The following UBN1 variants were observed in gnomAD, a reference collection of about 807,000 sequenced individuals.
UBN1 encodes the protein ubinuclein-1.
Under a neutral mutation model 108.5 loss-of-function variants are expected in UBN1, and 17 were observed. The observed-to-expected ratio is 0.16, with a 90% CI of 0.11 to 0.24. The LOEUF is 0.24. Ranked by LOEUF, UBN1 falls within the 10% of genes least tolerant of loss-of-function variation. The pLI is 1.00. For synonymous variants in UBN1, 726 were observed against 564.2 expected (o/e 1.29, Z -4.07); for missense variants, 1,595 against 1,394.4 (o/e 1.14, Z -2.29).
intron 12 of UBN1, chr16:4,872,389 G>A: frequency 1.0e-6 from 1 of 979,320 alleles, no homozygotes; most frequent in Non-Finnish European, 1.2e-6. Flanking sequence ...GGCAGCCAGT[G>A]TGTCCCATTG....
In UBN1 at chr16:4,875,029, C is replaced by T. The variant is rs745719298; in HGVS notation, c.2619C>T (p.His873=). 1.1e-5 allele frequency: 17 copies of T among 1,613,958 alleles called. No individual in the cohort carries two copies. Among genetic ancestry groups the T allele is most frequent in the Non-Finnish European group, 1.2e-5 (14 of 1,180,044 alleles). Residue 873 remains histidine, a synonymous_variant, in exon 15 of 18, where the codon CAC becomes CAT. Coordinates refer to ENST00000262376, the MANE Select transcript of UBN1 (RefSeq NM_001079514.3). The stretch of plus-strand genomic sequence containing the variant: ...TGTCAGCCTCCAGCAGCAGCTCTCA[C>T]AAGACCCCAGCCTCGTCCTCTTCTG... ...GGLSASSSSS[H]KTPASSSSAL...
In UBN1 at chr16:4,877,797, T is replaced by TAAAA. The variant is rs145632052; in HGVS notation, c.3355+323_3355+324insAAAA. The TAAAA allele has an allele frequency of 6.0e-5, 61 of 1,011,136 alleles. No individual in the cohort carries two copies. The highest frequency in any genetic ancestry group is 4.6e-4 in the Middle Eastern group (1 of 2,170). The allele number at this position is 1,011,136 out of a possible 1,614,324, so 62.6% of individuals were successfully genotyped here. On this transcript the variant is annotated intron_variant, in intron 17 of 17. Coordinates refer to ENST00000262376, the MANE Select transcript of UBN1 (RefSeq NM_001079514.3). The surrounding 1 kb of genome is among the most constrained non-coding windows in gnomAD (Gnocchi z 4.3). Reference sequence around the variant, plus strand: ...CTCGGCTTGTTTTTTTCTCTTCAGTTTAAAAAAAAAAAAAAAGGGAAGGTA... The same window carrying TAAAA: ...CTCGGCTTGTTTTTTTCTCTTCAGTTAAAATAAAAAAAAAAAAAAAGGGAAGGTA...
rs773901314 is a variant in UBN1 at position 4,877,297 on chromosome 16, C to T, written c.3266-88C>T. On this transcript the variant is annotated intron_variant, in intron 16 of 17. Transcript: ENST00000262376. The surrounding 1 kb of genome is among the most constrained non-coding windows in gnomAD (Gnocchi z 4.3). ...TGCCCAGACTGGCCTGGCAGGTTAT[C>T]GGGGGCTTTTGGCTGCTGGAGCTGC... The T allele has an allele frequency of 2.2e-4, 333 of 1,540,390 alleles. No homozygotes were observed. The highest frequency in any genetic ancestry group is 2.6e-4 in the Non-Finnish European group (297 of 1,138,850).
At chr16:4,878,584 GGGA>G (rs1415804113) in intron 17 of UBN1, among the ~76,000 whole-genome samples, 4 of 152,190 alleles carry the variant, frequency 2.6e-5, no homozygotes, top group Non-Finnish European at 5.9e-5. Flanking sequence ...TCCTTTCCTT[GGGA>G]GGAGAAGTAA....
At chr16:4,855,363 C>G (rs1307755399) in intron 2 of UBN1, among the ~76,000 whole-genome samples, 2 of 151,920 alleles carry the variant, frequency 1.3e-5, no homozygotes, top group African/African-American at 4.8e-5. Flanking sequence ...ACCTGTAATC[C>G]CAGCACTTTG....
chr16:4,868,836 G>A lies in UBN1; in HGVS notation c.1114G>A (p.Ala372Thr). 1.2e-6 allele frequency: 2 copies of A among 1,613,804 alleles called. No homozygotes were observed. Among genetic ancestry groups the A allele is most frequent in the Non-Finnish European group, 1.7e-6 (2 of 1,179,814 alleles). The change falls in exon 8 of 18, where the codon GCC (alanine) becomes ACC (threonine). Residue 372 changes from alanine (A) to threonine (T), a missense_variant. Ala to Thr is a moderately conservative substitution (Grantham distance 58, BLOSUM62 0). Transcript: ENST00000262376. ...GTTACTGTCTGCTGTGCACCAGGCT[G>A]CCAGAGCTGCTGAGGGGGAGAGCAG... ...EKRVKELAQA[A>T]RAAEGESRQK...
intron 4 of UBN1, 39 bp from the exon 5 acceptor site, chr16:4,858,986 A>G: frequency 6.2e-7 from 1 of 1,606,190 alleles, no homozygotes; most frequent in Non-Finnish European, 8.5e-7. Flanking sequence ...GGACTGCAGA[A>G]GCAGAACTTG....
chr16:4,851,220 G>A (rs915775795), intron 1 of UBN1, among the ~76,000 whole-genome samples: 6 of 152,198 alleles, frequency 3.9e-5, no homozygotes, highest in Non-Finnish European at 7.3e-5. Flanking sequence ...TGACCATATA[G>A]GCTGGGCTCA....
intron 7 of UBN1, among the ~76,000 whole-genome samples, chr16:4,867,433 C>G (rs1199687704): frequency 1.3e-5 from 2 of 152,164 alleles, no homozygotes; most frequent in African/African-American, 4.8e-5. Context: ...TTCCTCAGGG[C>G]TGACTGTGCA....
In UBN1 at chr16:4,877,029, C is replaced by T. The variant is rs138657671; in HGVS notation, c.3183C>T (p.Asp1061=). 1.4e-5 allele frequency: 23 copies of T among 1,614,244 alleles called. No homozygotes were observed. In the African/African-American group the frequency reaches 2.7e-4, roughly 19 times the overall value. ...TCCATGTGCTCTCCTTCAGCGCTGA[C>T]TCCTCTGCCAAAGCAGGGGTCTCCA... ...IPVHVLSFSA[D]SSAKAGVSKD... is the part of the protein sequence containing the mutation. Residue 1061 remains aspartate, a synonymous_variant, in exon 16 of 18, where the codon GAC becomes GAT. Transcript: ENST00000262376. This position sits in a 1 kb window ranked among gnomAD's most constrained non-coding sequence, Gnocchi z 4.3.
At chr16:4,868,538 GC>G (rs1340103861) in intron 7 of UBN1, among the ~76,000 whole-genome samples, 4 of 152,144 alleles carry the variant, frequency 2.6e-5, no homozygotes, top group African/African-American at 9.7e-5. Context: ...GGGTTAGTTG[GC>G]CTTATTGGCC....
chr16:4,862,741 G>C (rs2087125847), intron 7 of UBN1, among the ~76,000 whole-genome samples: 1 of 152,238 alleles, frequency 6.6e-6, no homozygotes, highest in Non-Finnish European at 1.5e-5. Flanking sequence ...TCTTGGGAAA[G>C]ATGGGGACAG....
chr16:4,858,093 G>C lies in UBN1; in HGVS notation c.336+17G>C. On this transcript the variant is annotated intron_variant, in intron 3 of 17. Coordinates refer to ENST00000262376, the MANE Select transcript of UBN1 (RefSeq NM_001079514.3). ...GAAAAATACGTAAGATTTCTCTCTTGAATAACAAAACAACCTCATTGGGTG... is the reference window on the plus strand; with the variant it reads ...GAAAAATACGTAAGATTTCTCTCTTCAATAACAAAACAACCTCATTGGGTG... 2 of 1,571,968 alleles carry C rather than the reference G, an allele frequency of 1.3e-6. No individual in the cohort carries two copies. The highest frequency in any genetic ancestry group is 1.7e-6 in the Non-Finnish European group (2 of 1,143,716).
In UBN1 at chr16:4,870,317, T is replaced by C; in HGVS notation, c.1287T>C (p.Ala429=). The change falls in exon 9 of 18, where the codon GCT becomes GCC. Residue 429 remains alanine, a synonymous_variant. Coordinates refer to ENST00000262376, the MANE Select transcript of UBN1 (RefSeq NM_001079514.3). ...PCSKDALLKR[A]RKLHLYEQGG... is the part of the protein sequence containing the mutation. ...GCAAGGATGCCCTGCTCAAGCGTGC[T>C]CGGAAACTTCACCTCTATGAACAGG... 6.2e-7 allele frequency: 1 copy of C among 1,614,188 alleles called. No homozygotes were observed. The highest frequency in any genetic ancestry group is 8.5e-7 in the Non-Finnish European group (1 of 1,180,024).
intron 15 of UBN1, among the ~76,000 whole-genome samples, chr16:4,876,327 C>T (rs2142287239): frequency 6.6e-6 from 1 of 152,234 alleles, no homozygotes; most frequent in East Asian, 1.9e-4. Context: ...GAGGTCTCAC[C>T]TCCTTTCCTG....
At chr16:4,848,733 A>C (rs1596461821) in intron 1 of UBN1, among the ~76,000 whole-genome samples, 1 of 152,250 alleles carries the variant, frequency 6.6e-6, no homozygotes, top group East Asian at 1.9e-4. Context: ...ATTTGATAAA[A>C]ATTTAACATA....
chr16:4,853,296 T>G, intron 2 of UBN1, 130 bp downstream of exon 2: 1 of 1,279,254 alleles, frequency 7.8e-7, no homozygotes, highest in South Asian at 1.5e-5. Flanking sequence ...TGTCACTCAC[T>G]CAAGGCAAGC....
Position 4,881,703 on chromosome 16 carries a change from C to T in UBN1, c.*1571C>T, listed in dbSNP as rs1876361. 0.95 allele frequency: 144,012 copies of T among 152,314 alleles called. 68,598 individuals carry two copies. The highest frequency in any genetic ancestry group is 1 in the East Asian group (5,178 of 5,178). The allele number at this position is 152,314 out of a possible 1,614,324, so 9.4% of individuals were successfully genotyped here. ...TCCTTTTTTTACATAAGAACCAATC[C>T]GTGTTTCACATTGGGCTAAGTGGAT... On this transcript the variant is annotated 3_prime_UTR_variant, in exon 18 of 18. Transcript: ENST00000262376.
At chr16:4,851,575 T>C (rs2086559765) in intron 1 of UBN1, among the ~76,000 whole-genome samples, 1 of 151,994 alleles carries the variant, frequency 6.6e-6, no homozygotes, top group Non-Finnish European at 1.5e-5. Context: ...CATACAAAGT[T>C]ATAATTTCCT....
Sources: gnomAD v4.1 joint callset for allele counts (sites outside exome capture counted in the v4.1 genomes callset) on GRCh38, gnomAD v4.1.1 for gene constraint, Gnocchi (gnomAD v3.1) non-coding constraint, MANE v1.5 for transcripts, NCBI Gene and HGNC (gene_info 2026-07-23, HGNC 2026-07-21) for gene names.